Variants in SPAG9 observed in about 807,000 individuals in gnomAD.
SPAG9 encodes the protein sperm associated antigen 9.
SPAG9 carries 35 observed loss-of-function variants against 166.5 expected under a neutral mutation model. That is an observed-to-expected ratio of 0.21 (90% CI 0.16 to 0.28). SPAG9 has a LOEUF of 0.28. Among genes scored for constraint, SPAG9 ranks in the 10% least tolerant of loss-of-function variants. The pLI, the probability that SPAG9 is intolerant of heterozygous loss-of-function variation, is 1.00. For missense variants in SPAG9, 1,235 were observed against 1,603.3 expected (o/e 0.77, Z 3.92); for synonymous variants, 534 against 565.5 (o/e 0.94, Z 0.79).
chr17:51,042,954 G>C (rs1296651224), intron 4 of SPAG9, among the ~76,000 whole-genome samples: 2 of 152,082 alleles, frequency 1.3e-5, no homozygotes, highest in African/African-American at 2.4e-5. Context: ...ACAGTGGGAC[G>C]ATCTCGGCTC....
At chr17:50,967,167 C>T (rs1028612399) in intron 29 of SPAG9, among the ~76,000 whole-genome samples, 1 of 152,158 alleles carries the variant, frequency 6.6e-6, no homozygotes, top group Admixed American at 6.5e-5. Flanking sequence ...CCATAATTCT[C>T]GATACAAGCT....
chr17:51,108,149 G>C (rs1001262671), intron 1 of SPAG9, among the ~76,000 whole-genome samples: 4 of 151,686 alleles, frequency 2.6e-5, no homozygotes, highest in Admixed American at 2.0e-4. Flanking sequence ...CATTTTGGGA[G>C]GCTGAGGCAG....
At chr17:51,046,874 T>C in intron 4 of SPAG9, 1 of 1,527,442 alleles carries the variant, frequency 6.5e-7, no homozygotes, top group Non-Finnish European at 8.8e-7. Context: ...TCCTAGCATT[T>C]ATGCAGCAAC....
chr17:51,003,605 A>AAT (rs1326430372), intron 12 of SPAG9, among the ~76,000 whole-genome samples: 1 of 152,200 alleles, frequency 6.6e-6, no homozygotes, highest in African/African-American at 2.4e-5. Context: ...GTGAATATAG[A>AAT]GTGAGCACAG....
chr17:51,089,248 G>T (rs942487084), intron 1 of SPAG9, among the ~76,000 whole-genome samples: 3 of 151,374 alleles, frequency 2.0e-5, no homozygotes, highest in African/African-American at 7.3e-5. Flanking sequence ...ACATGGTAAA[G>T]CCCTGTCTCT....
chr17:50,984,257 T>G (rs59307957), intron 24 of SPAG9, among the ~76,000 whole-genome samples: 3,985 of 152,240 alleles, frequency 0.026, 174 homozygotes, highest in East Asian at 0.19. Flanking sequence ...CTTACCCAAT[T>G]AAAATTCTTT....
intron 2 of SPAG9, among the ~76,000 whole-genome samples, chr17:51,063,676 G>C (rs934205801): frequency 2.6e-5 from 4 of 152,116 alleles, no homozygotes; most frequent in African/African-American, 9.7e-5. Flanking sequence ...CTGAGGTCAG[G>C]AGTTGGAGAC....
intron 3 of SPAG9, among the ~76,000 whole-genome samples, chr17:51,053,857 ATATATATATATAT>A (rs2047268356): frequency 1.6e-4 from 6 of 36,582 alleles, no homozygotes; most frequent in African/African-American, 5.0e-4. Context: ...AAAAAAAAGT[ATATATATATATAT>A]ATATATATAT....
chr17:50,996,773 C>T, intron 15 of SPAG9, 79 bp from the exon 16 acceptor site: 1 of 1,432,052 alleles, frequency 7.0e-7, no homozygotes, highest in South Asian at 1.2e-5. Context: ...TCCTCTGTCA[C>T]TAAAACAGCA....
intron 1 of SPAG9, among the ~76,000 whole-genome samples, chr17:51,109,704 G>A (rs2049051960): frequency 6.6e-6 from 1 of 151,882 alleles, no homozygotes; most frequent in Non-Finnish European, 1.5e-5. Context: ...TATTACAAAG[G>A]TTCTTTTTTT....
intron 28 of SPAG9, among the ~76,000 whole-genome samples, chr17:50,972,314 G>T (rs2143606871): frequency 6.6e-6 from 1 of 152,314 alleles, no homozygotes; most frequent in Admixed American, 6.5e-5. Context: ...TTCAACTTAA[G>T]CCCTATGAGT....
rs767566110 is a variant in SPAG9, at chr17:50,995,216, A to G, written c.2067T>C (p.Cys689=). The change falls in exon 18 of 30, where the codon TGT becomes TGC. Residue 689 remains cysteine (C), a synonymous_variant. Transcript: ENST00000262013. ...DEKDTSMKLW[C]AVGVNLSGGK... is the part of the protein sequence containing the mutation. ...CACCAGATAAATTGACTCCAACAGC[A>G]CACCACAGCTTCTCAGGTGAAAAAG... 1 of 1,613,056 alleles carries G rather than the reference A, an allele frequency of 6.2e-7. No homozygotes were observed. Among genetic ancestry groups the G allele is most frequent in the Non-Finnish European group, 8.5e-7 (1 of 1,179,682 alleles).
intron 1 of SPAG9, among the ~76,000 whole-genome samples, chr17:51,119,068 C>G (rs886978164): frequency 6.8e-6 from 1 of 146,864 alleles, no homozygotes; most frequent in Non-Finnish European, 1.5e-5. Context: ...TTTTGTTTGG[C>G]AAATTCAATA....
Position 51,082,392 on chromosome 17 carries a change from A to C in SPAG9, c.304-2688T>G, listed in dbSNP as rs1248697894. On this transcript the variant is annotated intron_variant, in intron 1 of 29. Coordinates refer to ENST00000262013, the MANE Select transcript of SPAG9 (RefSeq NM_001130528.3). ...AAGACTGTCTCAAAAAAAAAAAAAA[A>C]AAAAAAAAAAAACCTGTGATACCTA... 3.3e-5 allele frequency among the ~76,000 whole-genome samples: 5 copies of C among 151,254 alleles called. No homozygotes were observed. The East Asian group carries it at 5.8e-4, about 18-fold the overall frequency.
At chr17:51,048,855 G>T (rs2047103100) in intron 3 of SPAG9, among the ~76,000 whole-genome samples, 1 of 152,040 alleles carries the variant, frequency 6.6e-6, no homozygotes, top group Non-Finnish European at 1.5e-5. Context: ...CATGAATATA[G>T]TATCTTAAAA....
At position 51,120,525 on chromosome 17, in the gene SPAG9, C is replaced by T. The variant is rs1568106757; in HGVS notation, c.132G>A (p.Glu44=). The change falls in exon 1 of 30, where the codon GAG becomes GAA. Residue 44 remains glutamate, a synonymous_variant. Transcript: ENST00000262013. The surrounding 1 kb of genome is among the most constrained non-coding windows in gnomAD (Gnocchi z 4.7). The part of the protein sequence containing the change: ...EFERLIGRYD[E]EVVKELMPLV... ...GCGGCATCAGCTCTTTGACCACCTC[C>T]TCGTCATAGCGCCCGATAAGCCGCT... 6.8e-6 allele frequency: 11 copies of T among 1,614,006 alleles called. No homozygotes were observed. The highest frequency in any genetic ancestry group is 2.2e-5 in the East Asian group (1 of 44,866).
intron 2 of SPAG9, among the ~76,000 whole-genome samples, chr17:51,059,291 C>T (rs1397069053): frequency 6.6e-6 from 1 of 152,112 alleles, no homozygotes; most frequent in Non-Finnish European, 1.5e-5. Flanking sequence ...TGCATCCATT[C>T]ACACAGGCAC....
chr17:51,053,710 C>T (rs1568044260), intron 3 of SPAG9, among the ~76,000 whole-genome samples: 3 of 149,318 alleles, frequency 2.0e-5, no homozygotes, highest in Non-Finnish European at 3.0e-5. Context: ...TTGGCATGCA[C>T]GTGTGTGGTC....
intron 2 of SPAG9, among the ~76,000 whole-genome samples, chr17:51,077,005 GCTAGCTAGCTAGCTATCTAGCTAT>G (rs1278494622): frequency 0.021 from 1,932 of 92,458 alleles, 68 homozygotes; most frequent in African/African-American, 0.054. Flanking sequence ...TAGCTATCTA[GCTAGCTAGCTAGCTATCTAGCTAT>G]CTATCTAGCT....
Sources: gnomAD v4.1 joint callset for allele counts (sites outside exome capture counted in the v4.1 genomes callset) on GRCh38, gnomAD v4.1.1 for gene constraint, Gnocchi (gnomAD v3.1) non-coding constraint, MANE v1.5 for transcripts, NCBI Gene and HGNC (gene_info 2026-07-23, HGNC 2026-07-21) for gene names.